The following TUBGCP5 variants were observed in gnomAD, a reference collection of about 807,000 sequenced individuals.
TUBGCP5 encodes tubulin gamma complex component 5.
Under a neutral mutation model 134.7 loss-of-function variants are expected in TUBGCP5, and 98 were observed. The ratio of observed to expected loss-of-function variants is 0.73; its 90% CI spans 0.62 to 0.86. The LOEUF is 0.86. Among genes scored for constraint, TUBGCP5 ranks in the 40% least tolerant of loss-of-function variants. TUBGCP5 has a pLI of 0.00. For synonymous variants in TUBGCP5, 456 were observed against 431.4 expected (o/e 1.06, Z -0.71); for missense variants, 1,150 against 1,244.8 (o/e 0.92, Z 1.15).
At chr15:23,029,364 G>C (rs1466092845) in intron 6 of TUBGCP5, among the ~76,000 whole-genome samples, 1 of 152,164 alleles carries the variant, frequency 6.6e-6, no homozygotes, top group African/African-American at 2.4e-5. Context: ...TGGGATTACA[G>C]GCATGCGCCA....
In TUBGCP5 at chr15:23,005,553, T is replaced by G; in HGVS notation, c.2591A>C (p.Asp864Ala). 1 of 1,614,170 alleles carries G rather than the reference T, an allele frequency of 6.2e-7. No individual in the cohort carries two copies. The highest frequency in any genetic ancestry group is 8.5e-7 in the Non-Finnish European group (1 of 1,180,018). The change falls in exon 19 of 23, where the codon GAC becomes GCC. Residue 864 changes from aspartate to alanine, a missense_variant. This residue lies in a region of TUBGCP5 where 697 missense variants were observed against 850.1 expected (regional missense o/e 0.82). Transcript: ENST00000615383. ...TTGTGGTCCGAACTGAGCAACTGTG[T>G]CTTGTTCATGTATAAGGCCTTCTTT... ...RLKEGLIHEQDTVAQFGPQKE... is the reference protein window; with the variant it reads ...RLKEGLIHEQATVAQFGPQKE...
At chr15:22,988,210 G>A (rs1240996226) in intron 23 of TUBGCP5, among the ~76,000 whole-genome samples, 3 of 151,806 alleles carry the variant, frequency 2.0e-5, no homozygotes, top group East Asian at 3.9e-4. Context: ...TTATCTGAAG[G>A]GGCCCTAAAT....
At chr15:23,035,087 G>T (rs992419493) in intron 3 of TUBGCP5, among the ~76,000 whole-genome samples, 9 of 152,142 alleles carry the variant, frequency 5.9e-5, no homozygotes, top group Middle Eastern at 6.8e-3. Context: ...CAGCACTTTG[G>T]GAGGCCAAGG....
rs2064261825 is a variant in TUBGCP5, at chr15:22,999,788, A to G, written c.*32T>C. The G allele has an allele frequency of 6.2e-7, 1 of 1,608,100 alleles. No individual in the cohort carries two copies. The highest frequency in any genetic ancestry group is 8.5e-7 in the Non-Finnish European group (1 of 1,174,548). On this transcript the variant is annotated 3_prime_UTR_variant, in exon 23 of 23. Coordinates refer to ENST00000615383, the MANE Select transcript of TUBGCP5 (RefSeq NM_052903.6). The stretch of plus-strand genomic sequence containing the variant: ...GGTGGAAATGTACATGTATGATGAC[A>G]AAGTCGGAGATATTTATTACGCTGA...
At chr15:22,994,746 GTTGT>G (rs1395477616), downstream of TUBGCP5, among the ~76,000 whole-genome samples, 1 of 152,204 alleles carries the variant, frequency 6.6e-6, no homozygotes, top group Non-Finnish European at 1.5e-5. Context: ...TGGGTGATAA[GTTGT>G]TTAACATTGT....
chr15:22,997,579 T>G (rs2064150246), downstream of TUBGCP5, among the ~76,000 whole-genome samples: 1 of 152,000 alleles, frequency 6.6e-6, no homozygotes, highest in African/African-American at 2.4e-5. Context: ...AACTTCCACA[T>G]TTTGTTGTTT....
intron 1 of TUBGCP5, among the ~76,000 whole-genome samples, chr15:23,039,130 G>C (rs1286541192): frequency 6.6e-6 from 1 of 152,036 alleles, no homozygotes; most frequent in Non-Finnish European, 1.5e-5. Context: ...GCAGGCGCGC[G>C]CGCCGGCCGG....
At chr15:23,022,313 C>T (rs1487906506) in intron 10 of TUBGCP5, 152 bp from the exon 11 acceptor site, 6 of 727,140 alleles carry the variant, frequency 8.3e-6, no homozygotes, top group Non-Finnish European at 1.4e-5. Flanking sequence ...ACCTAATTTC[C>T]CTAAGGAAGA....
chr15:23,031,260 GC>G (rs2066293449), intron 5 of TUBGCP5, among the ~76,000 whole-genome samples: 1 of 151,350 alleles, frequency 6.6e-6, no homozygotes, highest in Non-Finnish European at 1.5e-5. Flanking sequence ...ATTTTTTGTG[GC>G]AAAAAGTCCC....
At chr15:23,031,124 G>GC in intron 5 of TUBGCP5, 104 bp from the exon 6 acceptor site, 1 of 1,241,132 alleles carries the variant, frequency 8.1e-7, no homozygotes, top group Middle Eastern at 2.5e-4. Context: ...AAACTTTGAA[G>GC]CAACATGGAA....
intron 16 of TUBGCP5, among the ~76,000 whole-genome samples, chr15:23,007,466 C>T (rs2064787160): frequency 6.6e-6 from 1 of 152,114 alleles, no homozygotes; most frequent in South Asian, 2.1e-4. Context: ...CTACCAAATA[C>T]TAATACTAAG....
intron 23 of TUBGCP5, among the ~76,000 whole-genome samples, chr15:22,984,973 T>A (rs1005089908): frequency 5.3e-5 from 8 of 152,122 alleles, no homozygotes; most frequent in African/African-American, 1.9e-4. Context: ...CTGCAATACA[T>A]ATAACAGACA....
chr15:23,012,805 G>A (rs570646594), intron 13 of TUBGCP5, among the ~76,000 whole-genome samples: 19 of 152,274 alleles, frequency 1.2e-4, no homozygotes, highest in African/African-American at 4.3e-4. Context: ...ACGCTGCATT[G>A]CATTAAGAAA....
intron 23 of TUBGCP5, among the ~76,000 whole-genome samples, chr15:22,993,900 T>TG (rs2063949440): frequency 6.6e-6 from 1 of 151,326 alleles, no homozygotes. Flanking sequence ...AGGCTAGTCT[T>TG]GAACTCCTGG....
At chr15:22,988,264 GAA>G (rs2063738862) in intron 23 of TUBGCP5, among the ~76,000 whole-genome samples, 2 of 151,910 alleles carry the variant, frequency 1.3e-5, no homozygotes, top group Non-Finnish European at 2.9e-5. Flanking sequence ...AGCAGACCCA[GAA>G]AAAGAGGCAG....
At chr15:23,020,638 G>GA (rs986117204) in intron 11 of TUBGCP5, among the ~76,000 whole-genome samples, 1 of 149,652 alleles carries the variant, frequency 6.7e-6, no homozygotes, top group Non-Finnish European at 1.5e-5. Context: ...AAATTGGTGT[G>GA]AAAAAAAGTT....
chr15:23,024,927 TCAC>T, intron 8 of TUBGCP5, 97 bp from the exon 9 acceptor site: 2 of 703,480 alleles, frequency 2.8e-6, no homozygotes, highest in Non-Finnish European at 5.0e-6. Context: ...TGACAGGGAC[TCAC>T]TTTGTCACCC....
chr15:23,004,353 C>G (rs972856001), intron 19 of TUBGCP5, 126 bp from the exon 20 acceptor site: 1 of 1,150,348 alleles, frequency 8.7e-7, no homozygotes, highest in Non-Finnish European at 1.2e-6. Flanking sequence ...CACATCTAGA[C>G]AGTTTCATAA....
At chr15:23,031,899 T>C in intron 5 of TUBGCP5, 51 bp downstream of exon 5, 2 of 1,434,046 alleles carry the variant, frequency 1.4e-6, no homozygotes, top group African/African-American at 1.4e-5. Flanking sequence ...AAATCATCTA[T>C]ATCACCTGGC....
Sources: gnomAD v4.1 joint callset for allele counts (sites outside exome capture counted in the v4.1 genomes callset) on GRCh38, gnomAD v4.1.1 for gene constraint, gnomAD v4.1.1 regional missense constraint, MANE v1.5 for transcripts, NCBI Gene and HGNC (gene_info 2026-07-23, HGNC 2026-07-21) for gene names.